CNTNAP5: variants seen among roughly 807,000 people sequenced by gnomAD.
CNTNAP5 encodes the protein contactin-associated protein-like 5.
Under a neutral mutation model 150.2 loss-of-function variants are expected in CNTNAP5, and 72 were observed. The observed-to-expected ratio is 0.48, with a 90% CI of 0.40 to 0.58. The LOEUF (loss-of-function observed/expected upper bound fraction) is 0.58, where lower values mean the gene tolerates loss of function less well. Among genes scored for constraint, CNTNAP5 ranks in the 20% least tolerant of loss-of-function variants. CNTNAP5 has a pLI of 0.00. For missense variants in CNTNAP5, 1,636 were observed against 1,626.2 expected (o/e 1.01, Z -0.10); for synonymous variants, 672 against 619.8 (o/e 1.08, Z -1.25).
intron 3 of CNTNAP5, among the ~76,000 whole-genome samples, chr2:124,374,517 A>T (rs905842070): frequency 1.4e-4 from 21 of 152,156 alleles, no homozygotes; most frequent in African/African-American, 4.8e-4. Context: ...ATGCTCTGAA[A>T]TACTGAAAAT....
At chr2:124,467,760 A>T (rs1693411276) in intron 6 of CNTNAP5, among the ~76,000 whole-genome samples, 1 of 152,166 alleles carries the variant, frequency 6.6e-6, no homozygotes, top group South Asian at 2.1e-4. Context: ...ACATCTAAAA[A>T]TCTAAATCAG....
At position 124,360,462 on chromosome 2, in the gene CNTNAP5, A is replaced by G. The variant is rs1384529848; in HGVS notation, c.382-56981A>G. Among the ~76,000 whole-genome samples the G allele has an allele frequency of 1.4e-5, 2 of 143,310 alleles. 1 individual carries two copies. Among genetic ancestry groups the G allele is most frequent in the Admixed American group, 1.4e-4 (2 of 14,174 alleles). The allele number at this position is 143,310 out of a possible 152,430, so 94.0% of individuals were successfully genotyped here. Reference sequence around the variant, plus strand: ...CGGCTGGTACCGGTTGTTCCTTTCCATGTTTAGCACTTCCTTCAGGAGCTC... The same window carrying G: ...CGGCTGGTACCGGTTGTTCCTTTCCGTGTTTAGCACTTCCTTCAGGAGCTC... On this transcript the variant is annotated intron_variant, in intron 3 of 23. Transcript: ENST00000682447.
chr2:124,449,005 C>T (rs1692897613), intron 6 of CNTNAP5, among the ~76,000 whole-genome samples: 1 of 152,210 alleles, frequency 6.6e-6, no homozygotes, highest in African/African-American at 2.4e-5. Flanking sequence ...CAACTTCAAT[C>T]ACTAGTGGGA....
At chr2:124,694,392 C>T (rs1274077227) in intron 13 of CNTNAP5, among the ~76,000 whole-genome samples, 1 of 152,046 alleles carries the variant, frequency 6.6e-6, no homozygotes, top group East Asian at 1.9e-4. Context: ...TTATGCTGCT[C>T]GCCTGCATAG....
At chr2:124,272,846 A>G (rs1687794444) in intron 3 of CNTNAP5, among the ~76,000 whole-genome samples, 1 of 152,216 alleles carries the variant, frequency 6.6e-6, no homozygotes, top group South Asian at 2.1e-4. Context: ...CATCGTAGAA[A>G]AGATTATTAG....
chr2:124,413,589 G>A (rs1691835743), intron 3 of CNTNAP5, among the ~76,000 whole-genome samples: 1 of 130,676 alleles, frequency 7.7e-6, no homozygotes, highest in East Asian at 2.2e-4. Flanking sequence ...TAGGGACATG[G>A]ATGAAATTGG....
chr2:124,894,296 G>A (rs972925673), intron 21 of CNTNAP5, among the ~76,000 whole-genome samples: 6 of 147,568 alleles, frequency 4.1e-5, no homozygotes, highest in Non-Finnish European at 8.8e-5. Context: ...CTTCATTGGA[G>A]TAGGATATAT....
chr2:124,029,167 T>C (rs1680974584), intron 1 of CNTNAP5, among the ~76,000 whole-genome samples: 2 of 152,092 alleles, frequency 1.3e-5, no homozygotes, highest in African/African-American at 2.4e-5. Context: ...AGCTCATTCA[T>C]CATATGTAGA....
chr2:124,075,988 G>A (rs1032183698), intron 1 of CNTNAP5, among the ~76,000 whole-genome samples: 11 of 152,140 alleles, frequency 7.2e-5, no homozygotes, highest in Non-Finnish European at 1.5e-4. Context: ...ACAAAGTGAG[G>A]ACTGCCTATA....
At chr2:124,253,952 T>A (rs538876783) in intron 3 of CNTNAP5, among the ~76,000 whole-genome samples, 94 of 152,170 alleles carry the variant, frequency 6.2e-4, no homozygotes, top group Admixed American at 1.4e-3. Context: ...CATTCTCCTT[T>A]ATGAACGGAT....
chr2:124,488,190 A>G (rs141583061), intron 7 of CNTNAP5, among the ~76,000 whole-genome samples: 2 of 152,326 alleles, frequency 1.3e-5, no homozygotes, highest in African/African-American at 4.8e-5. Context: ...CTATACAGGT[A>G]TAGATTTTTT....
chr2:124,561,649 C>T (rs1435818533), intron 10 of CNTNAP5, among the ~76,000 whole-genome samples: 1 of 152,154 alleles, frequency 6.6e-6, no homozygotes, highest in African/African-American at 2.4e-5. Flanking sequence ...AAGTTATCAA[C>T]AAGCTTTTCC....
chr2:124,648,493 G>C (rs1469164948), intron 13 of CNTNAP5, among the ~76,000 whole-genome samples: 1 of 152,034 alleles, frequency 6.6e-6, no homozygotes, highest in Non-Finnish European at 1.5e-5. Flanking sequence ...GAGAAATAGG[G>C]GCTTTAGGGG....
intron 3 of CNTNAP5, among the ~76,000 whole-genome samples, chr2:124,271,488 G>C (rs1016377941): frequency 6.6e-6 from 1 of 152,094 alleles, no homozygotes; most frequent in East Asian, 1.9e-4. Context: ...TGAATGTGTG[G>C]TTTGGGAAAA....
chr2:124,241,680 C>T (rs553460977), intron 2 of CNTNAP5, among the ~76,000 whole-genome samples: 20 of 152,250 alleles, frequency 1.3e-4, no homozygotes, highest in Admixed American at 1.2e-3. Flanking sequence ...TAGTCGGTGT[C>T]CTTTCATCTT....
intron 17 of CNTNAP5, among the ~76,000 whole-genome samples, chr2:124,778,851 A>T (rs1446271770): frequency 6.6e-6 from 1 of 152,162 alleles, no homozygotes; most frequent in African/African-American, 2.4e-5. Context: ...AAAAAGAAAA[A>T]AAAAAAAGAG....
chr2:124,135,009 T>C (rs1683941392), intron 1 of CNTNAP5: 1 of 152,186 alleles, frequency 6.6e-6, no homozygotes, highest in Non-Finnish European at 1.5e-5. Context: ...AGGGATAAGG[T>C]ATGCCCATGT....
chr2:124,273,958 G>A (rs1687821087), intron 3 of CNTNAP5, among the ~76,000 whole-genome samples: 1 of 152,116 alleles, frequency 6.6e-6, no homozygotes, highest in African/African-American at 2.4e-5. Flanking sequence ...TTTGTAGGCT[G>A]GCATTGGCCT....
intron 13 of CNTNAP5, among the ~76,000 whole-genome samples, chr2:124,681,612 G>A (rs563927491): frequency 2.0e-5 from 3 of 152,220 alleles, no homozygotes; most frequent in Admixed American, 6.5e-5. Flanking sequence ...CGCTCAGGCC[G>A]GAGTGCAGTG....
Sources: gnomAD v4.1 joint callset for allele counts (sites outside exome capture counted in the v4.1 genomes callset) on GRCh38, gnomAD v4.1.1 for gene constraint, MANE v1.5 for transcripts, NCBI Gene and HGNC (gene_info 2026-07-23, HGNC 2026-07-21) for gene names.